Variants in AGPAT5 observed in about 807,000 individuals in gnomAD.
The protein encoded by AGPAT5 is 1-acylglycerol-3-phosphate O-acyltransferase 5.
Under a neutral mutation model 45.6 loss-of-function variants are expected in AGPAT5, and 46 were observed. The ratio of observed to expected loss-of-function variants is 1.01; its 90% CI spans 0.80 to 1.29. The LOEUF (loss-of-function observed/expected upper bound fraction) is 1.29, where lower values mean the gene tolerates loss of function less well. Ranked by LOEUF, AGPAT5 falls within the 50% of genes most tolerant of loss-of-function variation. The probability of loss-of-function intolerance (pLI) is 0.00; values close to 1 mark genes in which losing one functional copy is unlikely to be tolerated. For missense variants in AGPAT5, 673 were observed against 450.7 expected (o/e 1.49, Z -4.47); for synonymous variants, 272 against 167.0 (o/e 1.63, Z -4.85).
At chr8:6,709,091 G>T (rs369125457) in intron 1 of AGPAT5, 3 of 654,504 alleles carry the variant, frequency 4.6e-6, no homozygotes, top group South Asian at 3.5e-5. Context: ...TGGCTGCGTC[G>T]TCCTGAGGCT....
At chr8:6,723,646 G>A (rs1307435104) in intron 1 of AGPAT5, among the ~76,000 whole-genome samples, 1 of 152,134 alleles carries the variant, frequency 6.6e-6, no homozygotes, top group Non-Finnish European at 1.5e-5. Context: ...TCAAGCTATT[G>A]GTATTACTCA....
intron 2 of AGPAT5, among the ~76,000 whole-genome samples, chr8:6,728,534 C>G (rs984684094): frequency 6.6e-6 from 1 of 152,204 alleles, no homozygotes; most frequent in Admixed American, 6.5e-5. Flanking sequence ...AAATCTTACA[C>G]TTTCTCTTAA....
In AGPAT5 at chr8:6,741,747, A is replaced by G. The variant is rs1281668931; in HGVS notation, c.582A>G (p.Gln194=). 5.6e-6 allele frequency: 9 copies of G among 1,610,196 alleles called. No homozygotes were observed. The highest frequency in any genetic ancestry group is 7.6e-6 in the Non-Finnish European group (9 of 1,177,294). Residue 194 remains glutamine, a synonymous_variant, in exon 5 of 8, where the codon CAA becomes CAG. Transcript: ENST00000285518. ...VLSASQAFAA[Q]RGLAVLKHVL... ...CAGCTAGTCAGGCATTTGCTGCCCA[A>G]CGTGGTAAGTAAAAATTTGAGTGTT... is the stretch of plus-strand genomic sequence containing the variant.
intron 4 of AGPAT5, among the ~76,000 whole-genome samples, chr8:6,737,551 T>A (rs1801096533): frequency 6.6e-6 from 1 of 152,206 alleles, no homozygotes; most frequent in Non-Finnish European, 1.5e-5. Flanking sequence ...TGGTTGTGGA[T>A]GCAAATGAAG....
In AGPAT5 at chr8:6,740,809, A is replaced by C. The variant is rs534392646; in HGVS notation, c.496-852A>C. Among the ~76,000 whole-genome samples the C allele has an allele frequency of 5.3e-5, 8 of 152,178 alleles. No homozygotes were observed. The South Asian group carries it at 1.2e-3, about 24-fold the overall frequency. On this transcript the variant is annotated intron_variant, in intron 4 of 7. Transcript: ENST00000285518. ...TACTGTCTGAGATCTGGCAAGAATG[A>C]ATCCAATAAACGTAGTTTTCTCCCA...
At chr8:6,748,076 C>T (rs929983587) in intron 6 of AGPAT5, among the ~76,000 whole-genome samples, 1 of 149,946 alleles carries the variant, frequency 6.7e-6, no homozygotes, top group Non-Finnish European at 1.5e-5. Context: ...CCTCTTTCTA[C>T]TCAAAGTTCA....
rs1241206765 is a variant in AGPAT5, at chr8:6,732,562, A to G, written c.407A>G (p.His136Arg). Residue 136 changes from histidine to arginine, a missense_variant and splice_region_variant, in exon 4 of 8, where the codon CAT becomes CGT. By Grantham distance (29) the His-to-Arg change is conservative. Transcript: ENST00000285518. ...LPLYGCYFAQ[H>R]GGIYVKRSAK... Reference sequence around the variant, plus strand: ...TTTCTCCCGATTTGATTGTGGCAGCATGGAGGAATCTATGTAAAGCGCAGT... The same window carrying G: ...TTTCTCCCGATTTGATTGTGGCAGCGTGGAGGAATCTATGTAAAGCGCAGT... 2 of 1,599,830 alleles carry G rather than the reference A, an allele frequency of 1.3e-6. No homozygotes were observed. Among genetic ancestry groups the G allele is most frequent in the South Asian group, 1.1e-5 (1 of 87,682 alleles).
chr8:6,730,811 G>T lies in AGPAT5; in HGVS notation c.390G>T (p.Gly130=), dbSNP rs1183361996. 1.2e-6 allele frequency: 2 copies of T among 1,612,142 alleles called. No homozygotes were observed. Among genetic ancestry groups the T allele is most frequent in the Middle Eastern group, 1.7e-4 (1 of 6,054 alleles). ...GGTTAAAATGGCTGCCATTGTATGGGTGTTACTTTGCTCAGGTAACTTGTT... is the reference window on the plus strand; with the variant it reads ...GGTTAAAATGGCTGCCATTGTATGGTTGTTACTTTGCTCAGGTAACTTGTT... ...KEGLKWLPLY[G]CYFAQHGGIY... The change falls in exon 3 of 8, where the codon GGG becomes GGT. Residue 130 remains glycine (G), a synonymous_variant. Coordinates refer to ENST00000285518, the MANE Select transcript of AGPAT5 (RefSeq NM_018361.5).
chr8:6,710,516 G>A (rs1456262646), intron 1 of AGPAT5, among the ~76,000 whole-genome samples: 3 of 152,130 alleles, frequency 2.0e-5, no homozygotes, highest in African/African-American at 7.2e-5. Flanking sequence ...CGAACTGATT[G>A]CCCACTGATC....
chr8:6,754,341 C>A (rs1465351047), intron 6 of AGPAT5, among the ~76,000 whole-genome samples: 6 of 152,084 alleles, frequency 3.9e-5, no homozygotes, highest in Admixed American at 1.3e-4. Flanking sequence ...AATTTTGGTT[C>A]TTTTACCAAT....
In AGPAT5 at chr8:6,757,168, T is replaced by C; in HGVS notation, c.875T>C (p.Leu292Pro). The C allele has an allele frequency of 1.2e-6, 2 of 1,612,848 alleles. No homozygotes were observed. Among genetic ancestry groups the C allele is most frequent in the South Asian group, 2.2e-5 (2 of 90,968 alleles). The change falls in exon 8 of 8, where the codon CTT becomes CCT. Residue 292 changes from leucine (L) to proline (P), a missense_variant. Leu to Pro is a moderately conservative substitution (Grantham distance 98, BLOSUM62 -3). Transcript: ENST00000285518. ...TTTTTCCATTCTGGCCATAGGATGC[T>C]TATAGAATTTTATGAGTCACCAGAT... is the stretch of plus-strand genomic sequence containing the variant. ...HERFEIKDKM[L>P]IEFYESPDPE... is the part of the protein sequence containing the mutation.
chr8:6,750,883 A>G (rs1382590627), intron 6 of AGPAT5, among the ~76,000 whole-genome samples: 3 of 152,222 alleles, frequency 2.0e-5, no homozygotes, highest in African/African-American at 7.2e-5. Flanking sequence ...TGTCTCTCAG[A>G]TGTACAAATG....
chr8:6,715,228 G>T (rs1800281839), intron 1 of AGPAT5, among the ~76,000 whole-genome samples: 1 of 152,214 alleles, frequency 6.6e-6, no homozygotes, highest in Non-Finnish European at 1.5e-5. Context: ...TTAGCCTGGT[G>T]GGTGAGAGGT....
intron 6 of AGPAT5, 143 bp downstream of exon 6, chr8:6,747,971 A>C (rs1339366827): frequency 1.1e-6 from 1 of 905,376 alleles, no homozygotes; most frequent in Non-Finnish European, 1.6e-6. Context: ...GATGTTATTA[A>C]GATGTAACAG....
At chr8:6,756,768 A>G (rs1394179531) in intron 7 of AGPAT5, among the ~76,000 whole-genome samples, 5 of 152,134 alleles carry the variant, frequency 3.3e-5, no homozygotes, top group Non-Finnish European at 7.4e-5. Flanking sequence ...ACCGCTGTCT[A>G]AGAACCGCTG....
chr8:6,753,170 C>G (rs1801712946), intron 6 of AGPAT5, among the ~76,000 whole-genome samples: 1 of 152,226 alleles, frequency 6.6e-6, no homozygotes, highest in Admixed American at 6.5e-5. Flanking sequence ...TTTCGGAGTG[C>G]TTTTGTCTCA....
At chr8:6,720,198 G>C (rs984432543) in intron 1 of AGPAT5, among the ~76,000 whole-genome samples, 6 of 152,102 alleles carry the variant, frequency 3.9e-5, no homozygotes, top group Non-Finnish European at 5.9e-5. Context: ...GGGAGTCAGT[G>C]ATCCAGCTAA....
intron 1 of AGPAT5, among the ~76,000 whole-genome samples, chr8:6,724,615 A>G (rs968812480): frequency 2.0e-5 from 3 of 152,162 alleles, no homozygotes; most frequent in African/African-American, 4.8e-5. Context: ...CAATCAATGA[A>G]TGCTTGCTAT....
chr8:6,720,330 GT>G (rs1800459049), intron 1 of AGPAT5, among the ~76,000 whole-genome samples: 1 of 152,058 alleles, frequency 6.6e-6, no homozygotes. Context: ...GATAGAGATA[GT>G]TTTCCTTATG....
Sources: gnomAD v4.1 joint callset for allele counts (sites outside exome capture counted in the v4.1 genomes callset) on GRCh38, gnomAD v4.1.1 for gene constraint, MANE v1.5 for transcripts, NCBI Gene and HGNC (gene_info 2026-07-23, HGNC 2026-07-21) for gene names.